Variants in APBB2 observed in about 807,000 individuals in gnomAD.
The protein encoded by APBB2 is Fe65-like 1.
Under a neutral mutation model 82.5 loss-of-function variants are expected in APBB2, and 38 were observed. That is an observed-to-expected ratio of 0.46 (90% CI 0.36 to 0.60). The LOEUF is 0.60. Ranked by LOEUF, APBB2 falls within the 20% of genes least tolerant of loss-of-function variation. APBB2 has a pLI of 0.00. For synonymous variants in APBB2, 341 were observed against 368.2 expected (o/e 0.93, Z 0.85); for missense variants, 772 against 972.3 (o/e 0.79, Z 2.74).
intron 1 of APBB2, among the ~76,000 whole-genome samples, chr4:41,195,896 C>T: frequency 6.6e-6 from 1 of 152,192 alleles, no homozygotes; most frequent in South Asian, 2.1e-4. Context: ...CTCAGTGGCT[C>T]ATGCCTGTAA....
chr4:41,066,068 A>C (rs1731678069), intron 3 of APBB2, among the ~76,000 whole-genome samples: 1 of 147,454 alleles, frequency 6.8e-6, no homozygotes, highest in African/African-American at 2.5e-5. Context: ...TATCCTATAA[A>C]ACTTTAAAAG....
intron 2 of APBB2, among the ~76,000 whole-genome samples, chr4:41,115,655 G>C (rs563745439): frequency 3.9e-4 from 59 of 152,248 alleles, no homozygotes; most frequent in Non-Finnish European, 6.6e-4. Flanking sequence ...GTGGGCAAAG[G>C]ATATGAACAG....
chr4:40,982,305 G>A (rs55718951), intron 6 of APBB2, among the ~76,000 whole-genome samples: 5,363 of 14,284 alleles, frequency 0.38, 1,464 homozygotes, highest in African/African-American at 0.63. Flanking sequence ...AAGGAAGGAA[G>A]GAAAGAAAGA....
intron 10 of APBB2, among the ~76,000 whole-genome samples, chr4:40,928,459 A>C (rs1325635084): frequency 6.6e-6 from 1 of 151,848 alleles, no homozygotes; most frequent in Non-Finnish European, 1.5e-5. Flanking sequence ...CATGCCTGTA[A>C]TCCCAGCTAC....
intron 5 of APBB2, among the ~76,000 whole-genome samples, chr4:41,027,525 T>A (rs924444358): frequency 6.6e-6 from 1 of 151,902 alleles, no homozygotes; most frequent in African/African-American, 2.4e-5. Flanking sequence ...ATTGTCTTTT[T>A]TATTATAGCC....
intron 12 of APBB2, among the ~76,000 whole-genome samples, chr4:40,844,498 G>A (rs1756935710): frequency 6.6e-6 from 1 of 152,234 alleles, no homozygotes; most frequent in Admixed American, 6.5e-5. Flanking sequence ...GGCAGCATTT[G>A]AGATGGACTG....
chr4:40,883,659 C>A (rs1769345408), intron 12 of APBB2, among the ~76,000 whole-genome samples: 1 of 151,422 alleles, frequency 6.6e-6, no homozygotes, highest in South Asian at 2.1e-4. Context: ...TTTCAGGGAC[C>A]CCCGAATGCT....
At position 41,189,108 on chromosome 4, in the gene APBB2, T is replaced by C. The variant is rs144675051; in HGVS notation, c.-417+25297A>G. 3.7e-3 allele frequency among the ~76,000 whole-genome samples: 570 copies of C among 152,276 alleles called. 3 individuals are homozygous for C. Among genetic ancestry groups the C allele is most frequent in the African/African-American group, 0.013 (527 of 41,548 alleles). ...TACAAGAATATTCATAGCATCATTATTCCCAGTAGCCATAAACTGGAAAAC... is the reference window on the plus strand; with the variant it reads ...TACAAGAATATTCATAGCATCATTACTCCCAGTAGCCATAAACTGGAAAAC... On this transcript the variant is annotated intron_variant, in intron 1 of 17. Transcript: ENST00000508593.
chr4:40,887,812 C>A (rs1019938368), intron 12 of APBB2, among the ~76,000 whole-genome samples: 4 of 152,118 alleles, frequency 2.6e-5, no homozygotes, highest in African/African-American at 9.7e-5. Context: ...GAGCGTATTT[C>A]GAAATTACAC....
intron 12 of APBB2, among the ~76,000 whole-genome samples, chr4:40,859,674 T>C (rs1762291722): frequency 6.6e-6 from 1 of 152,230 alleles, no homozygotes; most frequent in African/African-American, 2.4e-5. Flanking sequence ...AACCACACAG[T>C]GGCTTCCCAC....
At chr4:41,097,288 G>A (rs893843651) in intron 3 of APBB2, among the ~76,000 whole-genome samples, 8 of 152,136 alleles carry the variant, frequency 5.3e-5, no homozygotes, top group African/African-American at 1.9e-4. Flanking sequence ...TTACCATTTT[G>A]AGCACATATT....
intron 10 of APBB2, among the ~76,000 whole-genome samples, chr4:40,916,131 T>C (rs914179848): frequency 3.3e-5 from 5 of 152,188 alleles, no homozygotes; most frequent in African/African-American, 1.2e-4. Context: ...TTTAGGTAGT[T>C]GTTCTAAAGA....
chr4:40,884,888 G>C (rs1321295796), intron 12 of APBB2, among the ~76,000 whole-genome samples: 1 of 152,136 alleles, frequency 6.6e-6, no homozygotes, highest in Non-Finnish European at 1.5e-5. Flanking sequence ...TTAGACAAAA[G>C]TTCCTGAGAT....
rs376334940 is a variant in APBB2, at chr4:41,164,166, C to A, written c.-416-21024G>T. On this transcript the variant is annotated intron_variant, in intron 1 of 17. Transcript: ENST00000508593. ...CACATAGCCTAAAGGAAATTTTACACAATATTTTTAATAATTTTGTGCATG... is the reference window on the plus strand; with the variant it reads ...CACATAGCCTAAAGGAAATTTTACAAAATATTTTTAATAATTTTGTGCATG... Among the ~76,000 whole-genome samples the A allele has an allele frequency of 2.5e-4, 38 of 152,212 alleles. 1 individual carries two copies. The East Asian group carries it at 4.0e-3, about 16-fold the overall frequency.
chr4:41,160,038 A>AAGAAGAGGAAGAAGAAG (rs1247891414), intron 1 of APBB2, among the ~76,000 whole-genome samples: 2 of 123,136 alleles, frequency 1.6e-5, no homozygotes, highest in African/African-American at 6.9e-5. Flanking sequence ...AGAAGAAGAA[A>AAGAAGAGGAAGAAGAAG]ACATCACAGG....
intron 10 of APBB2, 57 bp from the exon 11 acceptor site, chr4:40,893,468 GTT>G: frequency 6.7e-7 from 1 of 1,502,394 alleles, no homozygotes; most frequent in Non-Finnish European, 8.9e-7. Context: ...AATCATATCA[GTT>G]TACACTACTC....
At chr4:41,205,749 C>G (rs34921547) in intron 1 of APBB2, among the ~76,000 whole-genome samples, 4 of 152,144 alleles carry the variant, frequency 2.6e-5, no homozygotes, top group African/African-American at 7.2e-5. Flanking sequence ...TATCTCACAT[C>G]AAGTATTGTT....
intron 12 of APBB2, among the ~76,000 whole-genome samples, chr4:40,834,160 G>C (rs1456747076): frequency 6.6e-6 from 1 of 151,978 alleles, no homozygotes; most frequent in Middle Eastern, 3.2e-3. Context: ...CCAAGGTAGA[G>C]GCTAATAGAT....
chr4:40,820,228 A>G (rs535509968), intron 17 of APBB2, among the ~76,000 whole-genome samples: 2 of 152,230 alleles, frequency 1.3e-5, no homozygotes, highest in South Asian at 4.1e-4. Flanking sequence ...TTTGTTCCCA[A>G]CGCTGCTCTC....
Sources: gnomAD v4.1 joint callset for allele counts (sites outside exome capture counted in the v4.1 genomes callset) on GRCh38, gnomAD v4.1.1 for gene constraint, MANE v1.5 for transcripts, NCBI Gene and HGNC (gene_info 2026-07-23, HGNC 2026-07-21) for gene names.